The following GTPBP4 variants were observed in gnomAD, a reference collection of about 807,000 sequenced individuals.
GTPBP4 encodes GTP binding protein 4.
In GTPBP4, 15 loss-of-function variants were observed where a neutral mutation model predicts 81.7. That is an observed-to-expected ratio of 0.18 (90% CI 0.12 to 0.28). The LOEUF (loss-of-function observed/expected upper bound fraction) is 0.28. Ranked by LOEUF, GTPBP4 falls within the 10% of genes least tolerant of loss-of-function variation. GTPBP4 has a pLI of 1.00. For missense variants in GTPBP4, 847 were observed against 793.8 expected (o/e 1.07, Z -0.81); for synonymous variants, 272 against 274.6 (o/e 0.99, Z 0.09).
chr10:1,019,268 A>AG lies in GTPBP4; in HGVS notation c.*2041_*2042insG. The AG allele has an allele frequency of 4.4e-6, 2 of 452,512 alleles. No individual in the cohort carries two copies. The highest frequency in any genetic ancestry group is 4.0e-6 in the Non-Finnish European group (1 of 251,074). 28.0% of individuals were successfully genotyped at this position (452,512 alleles called of 1,614,324 possible). A position where few individuals can be genotyped will look rare whatever the true frequency, so the allele number is the denominator to read the frequency against. Reference sequence around the variant, plus strand: ...TGTTAATCAAACAAGTGCTTATAAAATGGAAATTGGGACAAAGGAAATGTT... The same window carrying AG: ...TGTTAATCAAACAAGTGCTTATAAAAGTGGAAATTGGGACAAAGGAAATGTT... On this transcript the variant is annotated 3_prime_UTR_variant, in exon 17 of 17. Coordinates refer to ENST00000360803, the MANE Select transcript of GTPBP4 (RefSeq NM_012341.3).
chr10:1,007,848 G>A (rs748358220), intron 10 of GTPBP4: 3 of 511,012 alleles, frequency 5.9e-6, no homozygotes, highest in Admixed American at 2.0e-5. Flanking sequence ...GTAATGCTGG[G>A]TGCGGTTGAG....
intron 10 of GTPBP4, chr10:1,007,877 G>C: frequency 1.9e-6 from 1 of 516,030 alleles, no homozygotes; most frequent in Non-Finnish European, 3.9e-6. Flanking sequence ...TCTGCTTATT[G>C]GCCTTTTCAA....
chr10:995,892 G>T (rs1831529180), intron 2 of GTPBP4, 37 bp from the exon 3 acceptor site: 1 of 1,227,096 alleles, frequency 8.1e-7, no homozygotes, highest in African/African-American at 1.5e-5. Context: ...AAAACTGCTG[G>T]CCCCAAGTGA....
chr10:1,015,076 A>G (rs1831951258), intron 15 of GTPBP4, among the ~76,000 whole-genome samples: 1 of 152,246 alleles, frequency 6.6e-6, no homozygotes, highest in African/African-American at 2.4e-5. Context: ...TCTGAAATAT[A>G]AATTGTGATG....
intron 2 of GTPBP4, among the ~76,000 whole-genome samples, chr10:993,658 G>A (rs1233335732): frequency 6.6e-6 from 1 of 152,242 alleles, no homozygotes; most frequent in African/African-American, 2.4e-5. Flanking sequence ...TTGAGGTTGT[G>A]AAGGGCGTGG....
rs1005001988 is a variant in GTPBP4 at position 1,000,980 on chromosome 10, G to A, written c.879G>A (p.Val293=). The A allele has an allele frequency of 6.2e-7, 1 of 1,610,856 alleles. No homozygotes were observed. ...PLIVVANKCD[V]KRIAELSEDD... ...TAGTTGTAGCCAACAAATGTGATGT[G>A]AAGAGAATAGCTGAACTTTCTGAAG... is the stretch of plus-strand genomic sequence containing the variant. The change falls in exon 8 of 17, where the codon GTG becomes GTA. Residue 293 remains valine (V), a synonymous_variant. Coordinates refer to ENST00000360803, the MANE Select transcript of GTPBP4 (RefSeq NM_012341.3).
intron 1 of GTPBP4, among the ~76,000 whole-genome samples, chr10:991,434 A>T (rs1225555599): frequency 1.3e-5 from 2 of 152,188 alleles, no homozygotes; most frequent in Non-Finnish European, 2.9e-5. Flanking sequence ...TGCACTGGGT[A>T]ACTCATGCAA....
intron 5 of GTPBP4, among the ~76,000 whole-genome samples, chr10:998,729 C>T (rs574707365): frequency 1.3e-5 from 2 of 152,316 alleles, no homozygotes; most frequent in East Asian, 1.9e-4. Context: ...TCATAAAGAG[C>T]TCTGCGGGCA....
Position 1,010,486 on chromosome 10 carries a change from A to C in GTPBP4, c.1310A>C (p.Asn437Thr). ...DKIPEIWEGH[N>T]IADYIDPAIM... ...ATACCAGAAATCTGGGAAGGCCATA[A>C]TATAGCTGATTATATTGATCCAGCC... Residue 437 changes from asparagine (N) to threonine (T), a missense_variant, in exon 13 of 17, where the codon AAT becomes ACT. Coordinates refer to ENST00000360803, the MANE Select transcript of GTPBP4 (RefSeq NM_012341.3). The C allele has an allele frequency of 6.4e-7, 1 of 1,569,200 alleles. No homozygotes were observed. Among genetic ancestry groups the C allele is most frequent in the African/African-American group, 1.3e-5 (1 of 74,212 alleles).
chr10:992,848 A>G (rs1355348789), intron 2 of GTPBP4, among the ~76,000 whole-genome samples, 189 bp downstream of exon 2: 1 of 152,184 alleles, frequency 6.6e-6, no homozygotes, highest in Non-Finnish European at 1.5e-5. Flanking sequence ...GGGTTTTTTG[A>G]TTCCCTAGTA....
intron 8 of GTPBP4, among the ~76,000 whole-genome samples, chr10:1,002,304 C>G (rs866065887): frequency 2.0e-5 from 3 of 152,242 alleles, no homozygotes; most frequent in Middle Eastern, 3.4e-3. Flanking sequence ...TGTTGATGTC[C>G]CCAAATATTA....
chr10:989,706 A>C (rs1232546936), intron 1 of GTPBP4, among the ~76,000 whole-genome samples: 1 of 152,084 alleles, frequency 6.6e-6, no homozygotes, highest in Non-Finnish European at 1.5e-5. Context: ...TCTTCCTGAC[A>C]GTTGTTCTGG....
intron 8 of GTPBP4, among the ~76,000 whole-genome samples, chr10:1,004,313 C>T (rs1302348127): frequency 6.6e-6 from 1 of 152,134 alleles, no homozygotes; most frequent in African/African-American, 2.4e-5. Flanking sequence ...AGCAGTGACT[C>T]CATTTCCTGG....
intron 1 of GTPBP4, among the ~76,000 whole-genome samples, chr10:990,683 G>A (rs1052620449): frequency 1.4e-5 from 2 of 139,622 alleles, no homozygotes; most frequent in South Asian, 2.3e-4. Flanking sequence ...AACCGAGATC[G>A]CGCCACTGCA....
At position 1,007,010 on chromosome 10, in the gene GTPBP4, G is replaced by A. The variant is rs2306408; in HGVS notation, c.1003-8G>A. 315,333 of 1,575,260 alleles carry A rather than the reference G, an allele frequency of 0.2. 33,888 individuals are homozygous for A. Among genetic ancestry groups the A allele is most frequent in the African/African-American group, 0.37 (27,184 of 74,146 alleles). On this transcript the variant is annotated splice_polypyrimidine_tract_variant and splice_region_variant and intron_variant, in intron 9 of 16. Transcript: ENST00000360803. The stretch of plus-strand genomic sequence containing the variant: ...TTTGTGACTGTGCCTTCTTTTTTAC[G>A]TTATTAGGCTTGCGATAGGCTTTTG...
intron 10 of GTPBP4, 158 bp downstream of exon 10, chr10:1,007,286 A>G: frequency 1.7e-6 from 1 of 580,478 alleles, no homozygotes; most frequent in Non-Finnish European, 3.1e-6. Context: ...AAGGATCGAG[A>G]AGGTGAAGAA....
intron 1 of GTPBP4, among the ~76,000 whole-genome samples, chr10:992,139 A>G (rs11253554): frequency 0.99 from 150,019 of 151,278 alleles, 74,398 homozygotes; most frequent in Middle Eastern, 1. Context: ...GGTGGCTCAC[A>G]CCTGTAATCC....
At chr10:995,251 T>C (rs1414966151) in intron 2 of GTPBP4, among the ~76,000 whole-genome samples, 2 of 152,118 alleles carry the variant, frequency 1.3e-5, no homozygotes, top group African/African-American at 4.8e-5. Flanking sequence ...GGGGTAGAGC[T>C]GTGAGCACTA....
At chr10:1,002,046 C>T (rs1831644197) in intron 8 of GTPBP4, among the ~76,000 whole-genome samples, 2 of 152,030 alleles carry the variant, frequency 1.3e-5, no homozygotes, top group Admixed American at 1.3e-4. Flanking sequence ...GCCTCAGCCT[C>T]CTGAGTAGCT....
Sources: allele counts gnomAD v4.1 joint callset (sites outside exome capture counted in the v4.1 genomes callset), GRCh38; gene constraint gnomAD v4.1.1; transcripts MANE v1.5; gene names NCBI Gene and HGNC (gene_info 2026-07-23, HGNC 2026-07-21).